The following NEAT1 variants were observed in gnomAD, a reference collection of about 807,000 sequenced individuals.
The protein encoded by NEAT1 is MENepsilon/beta.
exon 1 of NEAT1, chr11:65,440,753 G>A (rs996900073): frequency 2.0e-5 from 3 of 148,110 alleles, no homozygotes; most frequent in Non-Finnish European, 4.4e-5. Flanking sequence ...GCTGAGGCAG[G>A]AGAATCTCGA....
chr11:65,423,549 G>C (rs540068536), exon 1 of NEAT1: 1 of 152,468 alleles, frequency 6.6e-6, no homozygotes, highest in East Asian at 1.9e-4. Flanking sequence ...GCGGCACCTA[G>C]CATGTTTGAC....
chr11:65,437,831 A>G (rs1055444316), exon 1 of NEAT1: 2 of 151,992 alleles, frequency 1.3e-5, no homozygotes, highest in African/African-American at 4.8e-5. Context: ...TGCTCTGCCT[A>G]ATGGTTACTT....
exon 1 of NEAT1, chr11:65,444,050 T>C (rs539900169): frequency 5.6e-6 from 1 of 180,154 alleles, no homozygotes; most frequent in Non-Finnish European, 1.2e-5. Context: ...GTTTCCTCTC[T>C]GCTGCTGCAG....
At chr11:65,429,481 GGTGTGT>G (rs1201242975) in exon 1 of NEAT1, 1 of 134,538 alleles carries the variant, frequency 7.4e-6, no homozygotes, top group Admixed American at 7.3e-5. Flanking sequence ...GGCCATTTGT[GGTGTGT>G]GTGTGTGTGC....
exon 1 of NEAT1, chr11:65,438,304 G>A (rs1198180070): frequency 6.6e-6 from 1 of 152,090 alleles, no homozygotes; most frequent in Non-Finnish European, 1.5e-5. Flanking sequence ...TAATATTTAT[G>A]TATGTATTTT....
chr11:65,424,588 A>G (rs140061339), exon 1 of NEAT1: 2 of 152,312 alleles, frequency 1.3e-5, no homozygotes, highest in Non-Finnish European at 2.9e-5. Flanking sequence ...TAAATGCCTT[A>G]GACTGGGGAT....
exon 1 of NEAT1, chr11:65,435,010 T>A (rs1037485590): frequency 6.6e-6 from 1 of 152,216 alleles, no homozygotes; most frequent in Non-Finnish European, 1.5e-5. Flanking sequence ...TATAATTTTT[T>A]AAATTGCTTT....
exon 1 of NEAT1, chr11:65,425,473 C>T (rs558554274): frequency 1.9e-4 from 29 of 152,290 alleles, no homozygotes; most frequent in African/African-American, 6.7e-4. Context: ...GCATACGCAG[C>T]AGATCAGCAT....
At chr11:65,425,061 G>A (rs1408214577) in exon 1 of NEAT1, 1 of 152,034 alleles carries the variant, frequency 6.6e-6, no homozygotes, top group African/African-American at 2.4e-5. Flanking sequence ...ATTCTCTGGG[G>A]CTTTGGGGAA....
exon 1 of NEAT1, chr11:65,430,125 C>G (rs1856601431): frequency 6.6e-6 from 1 of 152,324 alleles, no homozygotes; most frequent in African/African-American, 2.4e-5. Context: ...CCTCCCCAAG[C>G]CTGTGTCTGT....
At chr11:65,438,992 A>G (rs1856690344) in exon 1 of NEAT1, 1 of 152,210 alleles carries the variant, frequency 6.6e-6, no homozygotes, top group Non-Finnish European at 1.5e-5. Flanking sequence ...ACCATTTCAC[A>G]TTCCCACCAG....
At chr11:65,431,736 TTGAC>T (rs1856615410) in exon 1 of NEAT1, 6 of 152,354 alleles carry the variant, frequency 3.9e-5, no homozygotes, top group African/African-American at 1.4e-4. Context: ...TTCAAGTCCT[TTGAC>T]TATTTTAAAA....
exon 1 of NEAT1, chr11:65,430,930 AT>A (rs1555046012): frequency 6.6e-6 from 1 of 152,206 alleles, no homozygotes; most frequent in Non-Finnish European, 1.5e-5. Context: ...TATCTGAATC[AT>A]TTTTAAGTAT....
At chr11:65,437,338 A>G (rs566819141) in exon 1 of NEAT1, 54 of 151,128 alleles carry the variant, frequency 3.6e-4, no homozygotes, top group African/African-American at 1.3e-3. Flanking sequence ...GTTAAACCCC[A>G]TGTTTTCTCC....
exon 1 of NEAT1, chr11:65,438,899 AT>A (rs1466262661): frequency 6.6e-6 from 1 of 152,204 alleles, no homozygotes; most frequent in Non-Finnish European, 1.5e-5. Flanking sequence ...TTCTCTCATT[AT>A]ATACCTAGGA....
At chr11:65,425,312 G>A (rs754771093) in exon 1 of NEAT1, 1 of 152,134 alleles carries the variant, frequency 6.6e-6, no homozygotes, top group Non-Finnish European at 1.5e-5. Context: ...AGAACCAAAG[G>A]GAGGGGTGTG....
At chr11:65,432,383 T>C (rs1856620708) in exon 1 of NEAT1, 2 of 152,124 alleles carry the variant, frequency 1.3e-5, no homozygotes, top group Admixed American at 1.3e-4. Flanking sequence ...CTGTTATTGT[T>C]GGTGCAAAAA....
chr11:65,428,152 T>A (rs934407942), exon 1 of NEAT1: 2 of 152,234 alleles, frequency 1.3e-5, no homozygotes, highest in South Asian at 4.1e-4. Flanking sequence ...GAATTCAGAC[T>A]TTGTGAATTT....
At chr11:65,444,514 GCTCCAGGGGCCCTCC>G (rs1288140234) in exon 1 of NEAT1, 2 of 493,030 alleles carry the variant, frequency 4.1e-6, no homozygotes, top group Non-Finnish European at 8.4e-6. Flanking sequence ...AGCAGGAGGG[GCTCCAGGGGCCCTCC>G]CTCCATGGCA....
Sources: allele counts gnomAD v4.1 joint callset, GRCh38; gene constraint gnomAD v4.1.1; transcripts MANE v1.5; gene names NCBI Gene and HGNC (gene_info 2026-07-23, HGNC 2026-07-21).